DOP1A: variants seen among roughly 807,000 people sequenced by gnomAD.
DOP1A encodes protein DOP1A.
Under a neutral mutation model 267.6 loss-of-function variants are expected in DOP1A, and 90 were observed. That is an observed-to-expected ratio of 0.34 (90% CI 0.28 to 0.40). The LOEUF is 0.40. Ranked by LOEUF, DOP1A falls within the 10% of genes least tolerant of loss-of-function variation. DOP1A has a pLI of 1.00. For synonymous variants in DOP1A, 932 were observed against 999.1 expected (o/e 0.93, Z 1.27); for missense variants, 2,437 against 2,900.4 (o/e 0.84, Z 3.67).
At chr6:83,088,419 CTTT>C (rs746293399) in intron 1 of DOP1A, among the ~76,000 whole-genome samples, 3 of 115,574 alleles carry the variant, frequency 2.6e-5, no homozygotes, top group Admixed American at 9.1e-5. Flanking sequence ...TGTCTTCCAT[CTTT>C]TTTTTTTTTT....
intron 26 of DOP1A, among the ~76,000 whole-genome samples, chr6:83,147,720 T>A (rs1780841834): frequency 6.6e-6 from 1 of 152,212 alleles, no homozygotes; most frequent in African/African-American, 2.4e-5. Flanking sequence ...CTTTATAAGA[T>A]AATTCCATTT....
chr6:83,084,692 T>C (rs1348978154), intron 1 of DOP1A, among the ~76,000 whole-genome samples: 1 of 152,000 alleles, frequency 6.6e-6, no homozygotes, highest in African/African-American at 2.4e-5. Flanking sequence ...AAGCGATTCT[T>C]GTGCCTCAGC....
At chr6:83,069,983 A>G (rs2127948024) in intron 1 of DOP1A, among the ~76,000 whole-genome samples, 1 of 152,334 alleles carries the variant, frequency 6.6e-6, no homozygotes, top group African/African-American at 2.4e-5. Context: ...CTAAAACACA[A>G]ATTTTGAGAC....
chr6:83,168,008 C>A lies in DOP1A; in HGVS notation c.7239C>A (p.Ser2413Arg). ...LSQVFNSKVT[S>R]RCGGHSGSPI... Reference sequence around the variant, plus strand: ...AAGTCTTCAACAGCAAAGTCACAAGCCGATGTGGAGGACACTCAGGGAGTC... The same window carrying A: ...AAGTCTTCAACAGCAAAGTCACAAGACGATGTGGAGGACACTCAGGGAGTC... Residue 2413 changes from serine (S) to arginine (R), a missense_variant, in exon 39 of 39, where the codon AGC (serine) becomes AGA (arginine). This residue lies in a region of DOP1A where 197 missense variants were observed against 246.5 expected (regional missense o/e 0.80). Coordinates refer to ENST00000349129, the MANE Select transcript of DOP1A (RefSeq NM_015018.4). 1 of 1,614,166 alleles carries A rather than the reference C, an allele frequency of 6.2e-7. No homozygotes were observed. The highest frequency in any genetic ancestry group is 8.5e-7 in the Non-Finnish European group (1 of 1,180,028).
rs9444039 is a variant in DOP1A at position 83,140,330 on chromosome 6, A to T, written c.5342A>T (p.Gln1781Leu). The change falls in exon 23 of 39, where the codon CAA (glutamine) becomes CTA (leucine). Residue 1781 changes from glutamine to leucine, a missense_variant. This residue lies in a region of DOP1A where 307 missense variants were observed against 308.6 expected (regional missense o/e 0.99). Transcript: ENST00000349129. ...SVTLLWSILH[Q>L]ADSSEKMTIA... ...ACACTGCTTTGGAGCATACTGCATCAAGCTGATTCTTCAGAAAAGATGACT... is the reference window on the plus strand; with the variant it reads ...ACACTGCTTTGGAGCATACTGCATCTAGCTGATTCTTCAGAAAAGATGACT... 15,136 of 1,613,444 alleles carry T rather than the reference A, an allele frequency of 9.4e-3. 499 individuals are homozygous for T. Among genetic ancestry groups the T allele is most frequent in the African/African-American group, 0.081 (6,068 of 75,026 alleles).
Position 83,168,171 on chromosome 6 carries a change from C to A in DOP1A, c.*4C>A. 1 of 1,608,660 alleles carries A rather than the reference C, an allele frequency of 6.2e-7. No individual in the cohort carries two copies. Among genetic ancestry groups the A allele is most frequent in the Non-Finnish European group, 8.5e-7 (1 of 1,177,926 alleles). On this transcript the variant is annotated 3_prime_UTR_variant, in exon 39 of 39. Coordinates refer to ENST00000349129, the MANE Select transcript of DOP1A (RefSeq NM_015018.4). ...GGAAGGGATGATAAAAACTTGAGCA[C>A]CATTGCTGGTTCCATTTAGCTTACA...
chr6:83,168,261 G>T lies in DOP1A; in HGVS notation c.*94G>T. The T allele has an allele frequency of 6.8e-7, 1 of 1,459,880 alleles. No individual in the cohort carries two copies. 90.4% of individuals were successfully genotyped at this position (1,459,880 alleles called of 1,614,324 possible). ...TTGTATAGTTTTTCCTTTTTTGTATGTAACAGAACACATTTCAGATTGTAT... is the reference window on the plus strand; with the variant it reads ...TTGTATAGTTTTTCCTTTTTTGTATTTAACAGAACACATTTCAGATTGTAT... On this transcript the variant is annotated 3_prime_UTR_variant, in exon 39 of 39. Transcript: ENST00000349129.
Position 83,168,158 on chromosome 6 carries a change from A to G in DOP1A, c.7389A>G (p.Ile2463Met). 1 of 1,611,804 alleles carries G rather than the reference A, an allele frequency of 6.2e-7. No individual in the cohort carries two copies. The highest frequency in any genetic ancestry group is 8.5e-7 in the Non-Finnish European group (1 of 1,179,228). ...MVEKDFLEGM[I>M]KT Reference sequence around the variant, plus strand: ...AAAAAGATTTTCTGGAAGGGATGATAAAAACTTGAGCACCATTGCTGGTTC... The same window carrying G: ...AAAAAGATTTTCTGGAAGGGATGATGAAAACTTGAGCACCATTGCTGGTTC... The change falls in exon 39 of 39, where the codon ATA becomes ATG. Residue 2463 changes from isoleucine to methionine, a missense_variant. This residue lies in a region of DOP1A where 197 missense variants were observed against 246.5 expected (regional missense o/e 0.80). Transcript: ENST00000349129.
At chr6:83,108,868 G>A in intron 4 of DOP1A, 42 bp from the exon 5 acceptor site, 2 of 1,551,020 alleles carry the variant, frequency 1.3e-6, no homozygotes, top group South Asian at 1.2e-5. Flanking sequence ...ATATTGTATA[G>A]TTATTTTGCT....
Position 83,148,745 on chromosome 6 carries a change from A to G in DOP1A, c.5733-14A>G, listed in dbSNP as rs763521783. On this transcript the variant is annotated splice_polypyrimidine_tract_variant and intron_variant, in intron 26 of 38. Coordinates refer to ENST00000349129, the MANE Select transcript of DOP1A (RefSeq NM_015018.4). ...GTTTATTGTGGCTTTTGTATAAACT[A>G]TATTATCTTGCAGAATTCCAGTGCC... The G allele has an allele frequency of 6.6e-7, 1 of 1,512,828 alleles. No individual in the cohort carries two copies. The highest frequency in any genetic ancestry group is 8.9e-7 in the Non-Finnish European group (1 of 1,128,876). The allele number at this position is 1,512,828 out of a possible 1,614,324, so 93.7% of individuals were successfully genotyped here. A position where few individuals can be genotyped will look rare whatever the true frequency, so the allele number is the denominator to read the frequency against.
At chr6:83,082,349 G>C (rs1401061731) in intron 1 of DOP1A, among the ~76,000 whole-genome samples, 6 of 152,136 alleles carry the variant, frequency 3.9e-5, no homozygotes. Context: ...GCAAAATTCT[G>C]TTCTTTGCAA....
chr6:83,103,875 G>A (rs1037123553), intron 4 of DOP1A, among the ~76,000 whole-genome samples: 4 of 152,236 alleles, frequency 2.6e-5, no homozygotes, highest in African/African-American at 9.6e-5. Flanking sequence ...TGTCAACCCA[G>A]CAAGTTCCCT....
At position 83,089,346 on chromosome 6, in the gene DOP1A, G is replaced by A. The variant is rs147618626; in HGVS notation, c.-146-7385G>A. On this transcript the variant is annotated intron_variant, in intron 1 of 38. Coordinates refer to ENST00000349129, the MANE Select transcript of DOP1A (RefSeq NM_015018.4). ...TGCTATAAAGTGTAAAAACAAATCTGTACTACCTACTAATTTTTTCATAGG... is the reference window on the plus strand; with the variant it reads ...TGCTATAAAGTGTAAAAACAAATCTATACTACCTACTAATTTTTTCATAGG... Among the ~76,000 whole-genome samples the A allele has an allele frequency of 4.6e-3, 704 of 152,248 alleles. 6 individuals are homozygous for A. Among genetic ancestry groups the A allele is most frequent in the African/African-American group, 0.015 (633 of 41,540 alleles).
rs150015194 is a variant in DOP1A, at chr6:83,166,267, T to C, written c.7093-1595T>C. The C allele has an allele frequency of 6.6e-4, 363 of 549,724 alleles. 2 individuals carry two copies. In the East Asian group the frequency reaches 0.01, roughly 16 times the overall value. The allele number at this position is 549,724 out of a possible 1,614,324, so 34.1% of individuals were successfully genotyped here. A position where few individuals can be genotyped will look rare whatever the true frequency, so the allele number is the denominator to read the frequency against. On this transcript the variant is annotated intron_variant, in intron 38 of 38. Transcript: ENST00000349129. The stretch of plus-strand genomic sequence containing the variant: ...ATTGAGTTCTTGGGCAGCTCTCTTA[T>C]AGTTGTAAGAGGATCAGCTTCGATG...
chr6:83,074,767 A>T (rs913462226), intron 1 of DOP1A, among the ~76,000 whole-genome samples: 2 of 152,258 alleles, frequency 1.3e-5, no homozygotes, highest in Non-Finnish European at 2.9e-5. Context: ...CTATACACTC[A>T]GTGGTTAAGA....
At chr6:83,152,620 CTTT>C (rs35823510) in intron 30 of DOP1A, among the ~76,000 whole-genome samples, 11 of 133,870 alleles carry the variant, frequency 8.2e-5, no homozygotes, top group Admixed American at 2.3e-4. Flanking sequence ...TTTTCTTTTT[CTTT>C]TTTTTTTTTT....
At position 83,130,573 on chromosome 6, in the gene DOP1A, A is replaced by G. The variant is rs889097829; in HGVS notation, c.2616+176A>G. 5.3e-5 allele frequency among the ~76,000 whole-genome samples: 8 copies of G among 152,170 alleles called. No homozygotes were observed. In the South Asian group the frequency reaches 1.7e-3, roughly 32 times the overall value. On this transcript the variant is annotated intron_variant, in intron 17 of 38. Coordinates refer to ENST00000349129, the MANE Select transcript of DOP1A (RefSeq NM_015018.4). ...AGCTGATATACATACTGCTCTCCCC[A>G]TCTTATTCCCAATTTTGTGAGCAGG... is the stretch of plus-strand genomic sequence containing the variant.
At chr6:83,169,236 A>C (rs1380876075), downstream of DOP1A, 1 of 1,614,066 alleles carries the variant, frequency 6.2e-7, no homozygotes, top group South Asian at 1.1e-5. Context: ...AATTATCTTC[A>C]GAAACCTGGT....
Position 83,134,189 on chromosome 6 carries a change from A to C in DOP1A, c.2772A>C (p.Lys924Asn), listed in dbSNP as rs1778518511. The C allele has an allele frequency of 1.9e-6, 3 of 1,611,826 alleles. No individual in the cohort carries two copies. The highest frequency in any genetic ancestry group is 2.2e-5 in the South Asian group (2 of 90,742). ...TAAGCTCCCATGTTTCTCCTCAGAA[A>C]ATAAGGATGGAAGCACATGCCAAGT... ...ISQQLTHKDKKIRMEAHAKFA... is the reference protein window; with the variant it reads ...ISQQLTHKDKNIRMEAHAKFA... The change falls in exon 19 of 39, where the codon AAA (lysine) becomes AAC (asparagine). Residue 924 changes from lysine (K) to asparagine (N), a missense_variant and splice_region_variant. By Grantham distance (94) the Lys-to-Asn change is moderately conservative. Transcript: ENST00000349129.
Sources: allele counts gnomAD v4.1 joint callset (sites outside exome capture counted in the v4.1 genomes callset), GRCh38; gene constraint gnomAD v4.1.1; regional missense constraint gnomAD v4.1.1; transcripts MANE v1.5; gene names NCBI Gene and HGNC (gene_info 2026-07-23, HGNC 2026-07-21).